SORCS1: variants seen among roughly 807,000 people sequenced by gnomAD.
SORCS1 encodes VPS10 domain-containing receptor SorCS1.
SORCS1 carries 60 observed loss-of-function variants against 146.1 expected under a neutral mutation model. The observed-to-expected ratio is 0.41, with a 90% CI of 0.33 to 0.51. The LOEUF is 0.51. Ranked by LOEUF, SORCS1 falls within the 20% of genes least tolerant of loss-of-function variation. The probability of loss-of-function intolerance (pLI) is 0.21; values close to 1 mark genes in which losing one functional copy is unlikely to be tolerated. For synonymous variants in SORCS1, 637 were observed against 584.0 expected (o/e 1.09, Z -1.31); for missense variants, 1,352 against 1,487.6 (o/e 0.91, Z 1.50).
At chr10:106,756,326 A>G (rs1475655475) in intron 5 of SORCS1, among the ~76,000 whole-genome samples, 1 of 152,150 alleles carries the variant, frequency 6.6e-6, no homozygotes. Flanking sequence ...CATGTAACCA[A>G]CTCACAAGAA....
intron 3 of SORCS1, among the ~76,000 whole-genome samples, chr10:106,826,507 T>C (rs1948312091): frequency 6.6e-6 from 1 of 152,246 alleles, no homozygotes; most frequent in Non-Finnish European, 1.5e-5. Context: ...TCTCATTGAT[T>C]GGAGAAAATA....
chr10:106,797,714 G>C (rs920389600), intron 3 of SORCS1, among the ~76,000 whole-genome samples: 1 of 152,052 alleles, frequency 6.6e-6, no homozygotes, highest in Non-Finnish European at 1.5e-5. Context: ...CCAGCAGATG[G>C]CCAATTTGCT....
At chr10:106,684,424 C>T (rs145628394) in intron 10 of SORCS1, among the ~76,000 whole-genome samples, 3 of 152,124 alleles carry the variant, frequency 2.0e-5, no homozygotes, top group Admixed American at 6.6e-5. Flanking sequence ...TCCCTAAGGG[C>T]CCAAGGATTT....
chr10:107,048,098 A>C (rs1298493019), intron 1 of SORCS1, among the ~76,000 whole-genome samples: 1 of 151,922 alleles, frequency 6.6e-6, no homozygotes, highest in East Asian at 1.9e-4. Context: ...AACAACAAAA[A>C]GACTTTACTC....
At chr10:106,736,841 G>A (rs67594456) in intron 5 of SORCS1, among the ~76,000 whole-genome samples, 118,394 of 151,982 alleles carry the variant, frequency 0.78, 47,069 homozygotes, top group Non-Finnish European at 0.87. Flanking sequence ...AACCAAAGGT[G>A]CCTACTAAAA....
intron 3 of SORCS1, among the ~76,000 whole-genome samples, chr10:106,824,483 G>A (rs1432024451): frequency 2.0e-5 from 3 of 151,510 alleles, no homozygotes; most frequent in East Asian, 1.9e-4. Flanking sequence ...CCAGCTGCTC[G>A]GGAGGCTGAG....
intron 1 of SORCS1, among the ~76,000 whole-genome samples, chr10:107,120,431 T>C (rs931104362): frequency 2.0e-5 from 3 of 152,212 alleles, no homozygotes; most frequent in African/African-American, 7.2e-5. Context: ...ATTATATTAT[T>C]CTATTCTCTG....
intron 2 of SORCS1, among the ~76,000 whole-genome samples, chr10:106,939,761 G>A (rs1276189142): frequency 6.6e-6 from 1 of 152,222 alleles, no homozygotes; most frequent in African/African-American, 2.4e-5. Flanking sequence ...CTGATTTATG[G>A]AGGAGCAGTA....
At chr10:106,908,777 C>T (rs1323340217) in intron 2 of SORCS1, among the ~76,000 whole-genome samples, 5 of 152,298 alleles carry the variant, frequency 3.3e-5, no homozygotes, top group East Asian at 3.9e-4. Flanking sequence ...TGCACAGCTC[C>T]GCTTTTCCCA....
At chr10:106,725,437 G>C (rs1311355224) in intron 6 of SORCS1, among the ~76,000 whole-genome samples, 2 of 151,780 alleles carry the variant, frequency 1.3e-5, no homozygotes, top group East Asian at 3.9e-4. Flanking sequence ...TATAATCCCA[G>C]CTACTCAGGA....
intron 1 of SORCS1, among the ~76,000 whole-genome samples, chr10:107,157,621 A>G (rs1015538188): frequency 6.6e-6 from 1 of 152,208 alleles, no homozygotes; most frequent in African/African-American, 2.4e-5. Flanking sequence ...TATGTGTGTA[A>G]AATCTCACAT....
intron 1 of SORCS1, among the ~76,000 whole-genome samples, chr10:107,056,264 A>G (rs1960624462): frequency 6.6e-6 from 1 of 152,214 alleles, no homozygotes; most frequent in Non-Finnish European, 1.5e-5. Flanking sequence ...GCAGGACTCT[A>G]GAGATTCTAA....
At chr10:107,032,212 A>C (rs1305014554) in intron 1 of SORCS1, among the ~76,000 whole-genome samples, 1 of 152,190 alleles carries the variant, frequency 6.6e-6, no homozygotes, top group East Asian at 1.9e-4. Flanking sequence ...CATTAGTAAG[A>C]ACTCTTGTTG....
chr10:106,658,602 C>T (rs985573914), intron 17 of SORCS1, among the ~76,000 whole-genome samples: 5 of 152,222 alleles, frequency 3.3e-5, no homozygotes, highest in Non-Finnish European at 1.5e-5. Context: ...ATGAAGGAAG[C>T]CTTGGGGATG....
intron 1 of SORCS1, among the ~76,000 whole-genome samples, chr10:107,021,281 G>A (rs1958118308): frequency 6.6e-6 from 1 of 151,962 alleles, no homozygotes; most frequent in African/African-American, 2.4e-5. Flanking sequence ...GGGAGGCCGA[G>A]GCAGGTGGAT....
chr10:106,901,977 G>C (rs1467640241), intron 2 of SORCS1, among the ~76,000 whole-genome samples: 1 of 152,018 alleles, frequency 6.6e-6, no homozygotes, highest in African/African-American at 2.4e-5. Context: ...CCAGGAGGTA[G>C]AGCTTGAAGT....
At chr10:106,794,628 G>A (rs964695465) in intron 3 of SORCS1, among the ~76,000 whole-genome samples, 2 of 149,072 alleles carry the variant, frequency 1.3e-5, no homozygotes, top group African/African-American at 2.5e-5. Context: ...TCAGTCTCCC[G>A]AGTAGCTGGA....
intron 2 of SORCS1, among the ~76,000 whole-genome samples, chr10:106,867,451 A>T (rs1336433898): frequency 6.6e-6 from 1 of 151,882 alleles, no homozygotes; most frequent in Non-Finnish European, 1.5e-5. Flanking sequence ...CGCCCGGCTA[A>T]TTTCTGGTAT....
intron 1 of SORCS1, among the ~76,000 whole-genome samples, chr10:107,063,288 A>C (rs2134128072): frequency 6.6e-6 from 1 of 152,292 alleles, no homozygotes; most frequent in Admixed American, 6.5e-5. Context: ...TGTTTTCTAA[A>C]ATAGGTAGTC....
Sources: allele counts gnomAD v4.1 joint callset (sites outside exome capture counted in the v4.1 genomes callset), GRCh38; gene constraint gnomAD v4.1.1; transcripts MANE v1.5; gene names NCBI Gene and HGNC (gene_info 2026-07-23, HGNC 2026-07-21).